Variants in NCOA6 observed in about 807,000 individuals in gnomAD.
NCOA6 encodes the protein NRC RAP250.
A neutral mutation model predicts 171.4 loss-of-function variants in NCOA6; 49 were observed. That is an observed-to-expected ratio of 0.29 (90% CI 0.23 to 0.36). The LOEUF (loss-of-function observed/expected upper bound fraction) is 0.36, where lower values mean the gene tolerates loss of function less well. Among genes scored for constraint, NCOA6 ranks in the 10% least tolerant of loss-of-function variants. The pLI is 1.00. For missense variants in NCOA6, 2,248 were observed against 2,554.5 expected, an observed-to-expected ratio of 0.88 and a Z score of 2.59; for synonymous variants, 910 against 927.5, an observed-to-expected ratio of 0.98 and a Z score of 0.34.
At chr20:34,773,936 T>G (rs2077230179) in intron 4 of NCOA6, among the ~76,000 whole-genome samples, 1 of 152,238 alleles carries the variant, frequency 6.6e-6, no homozygotes, top group South Asian at 2.1e-4. Context: ...AGAGATCATC[T>G]GGGACACACA....
intron 2 of NCOA6, among the ~76,000 whole-genome samples, chr20:34,782,990 T>C (rs1048053232): frequency 6.6e-6 from 1 of 152,148 alleles, no homozygotes; most frequent in Non-Finnish European, 1.5e-5. Context: ...TAAAAATTCT[T>C]ATATGAAAGG....
At chr20:34,755,591 A>G (rs1027699422) in intron 7 of NCOA6, among the ~76,000 whole-genome samples, 8 of 152,226 alleles carry the variant, frequency 5.3e-5, no homozygotes, top group African/African-American at 1.9e-4. Context: ...ACTTGTAATA[A>G]GGAGAATCTC....
chr20:34,753,086 A>G (rs2076539445), intron 8 of NCOA6, among the ~76,000 whole-genome samples: 1 of 150,354 alleles, frequency 6.7e-6, no homozygotes, highest in African/African-American at 2.4e-5. Context: ...TCTGTCGCCC[A>G]GGCTGGAGTG....
chr20:34,808,064 C>T (rs1427617743), intron 1 of NCOA6, among the ~76,000 whole-genome samples: 3 of 151,562 alleles, frequency 2.0e-5, no homozygotes, highest in African/African-American at 7.3e-5. Flanking sequence ...GCACGAGAAT[C>T]GCTTGAACCC....
At chr20:34,804,480 A>G (rs6060057) in intron 1 of NCOA6, among the ~76,000 whole-genome samples, 80,937 of 148,478 alleles carry the variant, frequency 0.55, 22,564 homozygotes, top group South Asian at 0.69. Flanking sequence ...GTACTCCAGC[A>G]TGGGTAACAG....
intron 14 of NCOA6, among the ~76,000 whole-genome samples, chr20:34,718,514 ACT>A (rs1988887646): frequency 1.4e-5 from 2 of 146,390 alleles, no homozygotes; most frequent in Non-Finnish European, 3.0e-5. Context: ...CTTGCAAATT[ACT>A]TTTTTTTTTG....
At chr20:34,800,517 A>C (rs952906246) in intron 1 of NCOA6, among the ~76,000 whole-genome samples, 1 of 152,180 alleles carries the variant, frequency 6.6e-6, no homozygotes, top group Non-Finnish European at 1.5e-5. Flanking sequence ...ACGCATACAG[A>C]CTGAAAACAA....
intron 2 of NCOA6, among the ~76,000 whole-genome samples, chr20:34,787,738 A>G (rs1459978216): frequency 6.6e-6 from 1 of 152,224 alleles, no homozygotes; most frequent in Non-Finnish European, 1.5e-5. Context: ...AGGGTAGGGT[A>G]GAAGAAAACA....
At chr20:34,787,055 T>C (rs894650553) in intron 2 of NCOA6, among the ~76,000 whole-genome samples, 1 of 151,718 alleles carries the variant, frequency 6.6e-6, no homozygotes, top group African/African-American at 2.4e-5. Context: ...GGGACAAAAT[T>C]TTTGCAATCT....
In NCOA6 at chr20:34,742,916, A is replaced by G; in HGVS notation, c.3340T>C (p.Tyr1114His). 2 of 1,614,166 alleles carry G rather than the reference A, an allele frequency of 1.2e-6. No individual in the cohort carries two copies. The highest frequency in any genetic ancestry group is 1.7e-6 in the Non-Finnish European group (2 of 1,180,022). The change falls in exon 11 of 15, where the codon TAT becomes CAT. Residue 1114 changes from tyrosine to histidine, a missense_variant. Tyr to His is a moderately conservative substitution (Grantham distance 83). This residue lies in a region of NCOA6 where 352 missense variants were observed against 419.1 expected (regional missense o/e 0.84). Transcript: ENST00000359003. ...GAAGGATTCTGCGGGCTCTCCTGATAGACCATTTTCCTTGAATTGCTTCCC... is the reference window on the plus strand; with the variant it reads ...GAAGGATTCTGCGGGCTCTCCTGATGGACCATTTTCCTTGAATTGCTTCCC... The part of the protein sequence containing the change: ...PLGSNSRKMV[Y>H]QESPQNPSSS...
intron 1 of NCOA6, among the ~76,000 whole-genome samples, chr20:34,808,055 C>T (rs1445785278): frequency 6.6e-6 from 1 of 151,592 alleles, no homozygotes; most frequent in Non-Finnish European, 1.5e-5. Context: ...GAGGCTGAGG[C>T]ACGAGAATCG....
In NCOA6 at chr20:34,757,611, G is replaced by T. The variant is rs777475145; in HGVS notation, c.1137C>A (p.Gly379=). The change falls in exon 7 of 15, where the codon GGC becomes GGA. Residue 379 remains glycine (G), a synonymous_variant. Coordinates refer to ENST00000359003, the MANE Select transcript of NCOA6 (RefSeq NM_014071.5). ...PSHPPPPYPF[G]SQQASQAHTN... ...TGTGGGCTTGTGAGGCTTGCTGGCTGCCAAAGGGATATGGAGGGGGAGGGT... is the reference window on the plus strand; with the variant it reads ...TGTGGGCTTGTGAGGCTTGCTGGCTTCCAAAGGGATATGGAGGGGGAGGGT... 1 of 1,613,916 alleles carries T rather than the reference G, an allele frequency of 6.2e-7. No individual in the cohort carries two copies. Among genetic ancestry groups the T allele is most frequent in the Admixed American group, 1.7e-5 (1 of 60,008 alleles).
intron 4 of NCOA6, among the ~76,000 whole-genome samples, 199 bp from the exon 5 acceptor site, chr20:34,768,785 T>A (rs527841362): frequency 8.5e-5 from 13 of 152,314 alleles, no homozygotes; most frequent in African/African-American, 2.9e-4. Flanking sequence ...CAAGGAGATA[T>A]AACCAATTCT....
chr20:34,823,327 G>A (rs1268619624), intron 1 of NCOA6, among the ~76,000 whole-genome samples: 1 of 151,790 alleles, frequency 6.6e-6, no homozygotes, highest in Non-Finnish European at 1.5e-5. Context: ...AGACCAGCCT[G>A]GGCAACATGT....
At chr20:34,768,070 C>T (rs1267176772) in intron 5 of NCOA6, among the ~76,000 whole-genome samples, 1 of 152,172 alleles carries the variant, frequency 6.6e-6, no homozygotes, top group Non-Finnish European at 1.5e-5. Context: ...CATAAGCACA[C>T]AAGAACTCAA....
intron 3 of NCOA6, among the ~76,000 whole-genome samples, chr20:34,779,075 T>C (rs1194055239): frequency 6.6e-6 from 1 of 152,026 alleles, no homozygotes; most frequent in Non-Finnish European, 1.5e-5. Context: ...TACTTAATAA[T>C]GGTTAACATG....
intron 14 of NCOA6, among the ~76,000 whole-genome samples, chr20:34,721,238 C>CAAAAAAAAAAAA (rs10531679): frequency 3.3e-4 from 22 of 66,048 alleles, no homozygotes; most frequent in African/African-American, 1.4e-3. Context: ...TTCCTCTATA[C>CAAAAAAAAAAAA]AAAAAAAAAA....
Position 34,757,282 on chromosome 20 carries a change from A to G in NCOA6, c.1466T>C (p.Phe489Ser), listed in dbSNP as rs752936302. The G allele has an allele frequency of 6.8e-5, 110 of 1,612,922 alleles. No homozygotes were observed. Among genetic ancestry groups the G allele is most frequent in the Non-Finnish European group, 8.6e-5 (101 of 1,179,450 alleles). The change falls in exon 7 of 15, where the codon TTC becomes TCC. Residue 489 changes from phenylalanine (F) to serine (S), a missense_variant. By Grantham distance (155) the Phe-to-Ser change is radical. Around this residue, in one of 7 missense-constraint regions of NCOA6, gnomAD observed 987 missense variants for 1,104.7 expected, o/e 0.89. Coordinates refer to ENST00000359003, the MANE Select transcript of NCOA6 (RefSeq NM_014071.5). ...TGGTGGTTGCTGCTGCATCACCATG[A>G]AGTTAGGTGGCACATTTCCCTGTTG... is the stretch of plus-strand genomic sequence containing the variant. ...MVQQGNVPPN[F>S]MVMQQQPPNQ...
At chr20:34,804,162 C>T (rs760045223) in intron 1 of NCOA6, among the ~76,000 whole-genome samples, 5 of 151,876 alleles carry the variant, frequency 3.3e-5, no homozygotes, top group Non-Finnish European at 7.4e-5. Flanking sequence ...TATGGTGAAA[C>T]GCCATCACTA....
Sources: gnomAD v4.1 joint callset for allele counts (sites outside exome capture counted in the v4.1 genomes callset) on GRCh38, gnomAD v4.1.1 for gene constraint, gnomAD v4.1.1 regional missense constraint, MANE v1.5 for transcripts, NCBI Gene and HGNC (gene_info 2026-07-23, HGNC 2026-07-21) for gene names.